LRRTM4: variants seen among roughly 807,000 people sequenced by gnomAD.
LRRTM4 encodes leucine-rich repeat transmembrane neuronal protein 4.
In LRRTM4, 25 loss-of-function variants were observed where a neutral mutation model predicts 47.6. That is an observed-to-expected ratio of 0.53 (90% CI 0.38 to 0.73). The LOEUF is 0.73. Ranked by LOEUF, LRRTM4 falls within the 30% of genes least tolerant of loss-of-function variation. The pLI is 0.00. For synonymous variants in LRRTM4, 311 were observed against 269.5 expected (o/e 1.15, Z -1.51); for missense variants, 638 against 713.4 (o/e 0.89, Z 1.20).
Position 76,748,096 on chromosome 2 carries a change from T to C in LRRTM4, c.*599A>G, listed in dbSNP as rs1430237297. ...TGTGGTCAACTTTCTCCGTGGTCCG[T>C]GGTAAAGCACATTTTCTTTTGGTAC... On this transcript the variant is annotated 3_prime_UTR_variant, in exon 4 of 4. Coordinates refer to ENST00000409884, the MANE Select transcript of LRRTM4 (RefSeq NM_001134745.3). The C allele has an allele frequency of 6.6e-6, 1 of 152,460 alleles. No individual in the cohort carries two copies. Among genetic ancestry groups the C allele is most frequent in the East Asian group, 1.9e-4 (1 of 5,200 alleles). 9.4% of individuals were successfully genotyped at this position (152,460 alleles called of 1,614,324 possible).
intron 3 of LRRTM4, among the ~76,000 whole-genome samples, chr2:76,790,470 C>T (rs1216445095): frequency 6.6e-6 from 1 of 152,082 alleles, no homozygotes; most frequent in Non-Finnish European, 1.5e-5. Context: ...TGATCTTGGG[C>T]CAGCCTCAGT....
At chr2:76,796,934 G>C (rs902754643) in intron 3 of LRRTM4, among the ~76,000 whole-genome samples, 2 of 152,062 alleles carry the variant, frequency 1.3e-5, no homozygotes, top group Non-Finnish European at 2.9e-5. Context: ...AAAAAGAAAT[G>C]AGCAAAGCCT....
At chr2:77,043,148 G>T (rs58279694) in intron 3 of LRRTM4, among the ~76,000 whole-genome samples, 54,426 of 151,446 alleles carry the variant, frequency 0.36, 11,702 homozygotes, top group African/African-American at 0.6. Flanking sequence ...TCTTTTGTAC[G>T]TATCTTTCAT....
At chr2:77,125,928 A>G (rs180812702) in intron 3 of LRRTM4, among the ~76,000 whole-genome samples, 1 of 149,544 alleles carries the variant, frequency 6.7e-6, no homozygotes, top group East Asian at 2.0e-4. Context: ...TATATATACT[A>G]TGTATGTGTA....
At chr2:77,073,612 T>C (rs2067968) in intron 3 of LRRTM4, among the ~76,000 whole-genome samples, 6,816 of 152,160 alleles carry the variant, frequency 0.045, 178 homozygotes, top group South Asian at 0.11. Flanking sequence ...AAAGATATTA[T>C]TGATTTCTGA....
intron 3 of LRRTM4, among the ~76,000 whole-genome samples, chr2:77,192,193 C>T (rs1673688533): frequency 6.6e-6 from 1 of 152,066 alleles, no homozygotes; most frequent in Admixed American, 6.6e-5. Context: ...TTAAAACCTA[C>T]ATTTTTAATT....
chr2:77,495,049 T>C (rs1010589315), intron 3 of LRRTM4, among the ~76,000 whole-genome samples: 3 of 152,128 alleles, frequency 2.0e-5, no homozygotes, highest in Admixed American at 1.3e-4. Flanking sequence ...CATTAATCTG[T>C]TGATGGAGAT....
intron 3 of LRRTM4, among the ~76,000 whole-genome samples, chr2:76,764,421 G>A (rs1673374674): frequency 6.6e-6 from 1 of 152,162 alleles, no homozygotes; most frequent in African/African-American, 2.4e-5. Flanking sequence ...CACGTGGTCA[G>A]GAGATCGAGA....
At chr2:76,896,006 T>C (rs562930992) in intron 3 of LRRTM4, among the ~76,000 whole-genome samples, 1 of 152,196 alleles carries the variant, frequency 6.6e-6, no homozygotes, top group East Asian at 1.9e-4. Context: ...ACTGTGTGTA[T>C]GAACACAGGG....
intron 3 of LRRTM4, among the ~76,000 whole-genome samples, chr2:77,411,451 CTT>C (rs138496739): frequency 5.2e-5 from 6 of 116,036 alleles, no homozygotes; most frequent in Admixed American, 9.5e-5. Flanking sequence ...TCTCTTTCTT[CTT>C]TTTTTTTTTT....
intron 3 of LRRTM4, among the ~76,000 whole-genome samples, chr2:77,473,549 A>G (rs1352822885): frequency 6.6e-6 from 1 of 152,118 alleles, no homozygotes; most frequent in Non-Finnish European, 1.5e-5. Context: ...AAATAAAGAA[A>G]GGACCATTGA....
chr2:77,307,612 T>TAATAAA, intron 3 of LRRTM4, among the ~76,000 whole-genome samples: 1 of 93,834 alleles, frequency 1.1e-5, no homozygotes, highest in African/African-American at 4.9e-5. Context: ...TATAGATATA[T>TAATAAA]CTATATATTA....
At chr2:76,980,483 A>G (rs1386880957) in intron 3 of LRRTM4, among the ~76,000 whole-genome samples, 1 of 152,132 alleles carries the variant, frequency 6.6e-6, no homozygotes, top group Admixed American at 6.6e-5. Flanking sequence ...GAATAGTCCT[A>G]CTACCTTATG....
chr2:76,917,150 ACT>A (rs1432011898), intron 3 of LRRTM4, among the ~76,000 whole-genome samples: 1 of 152,096 alleles, frequency 6.6e-6, no homozygotes, highest in East Asian at 1.9e-4. Context: ...CAGCAACCCA[ACT>A]CTACCATTCT....
intron 3 of LRRTM4, among the ~76,000 whole-genome samples, chr2:77,100,854 T>C (rs982562843): frequency 2.9e-4 from 43 of 150,822 alleles, no homozygotes; most frequent in African/African-American, 9.0e-4. Flanking sequence ...TTCTTTTTTT[T>C]TTTTTTTTTT....
intron 3 of LRRTM4, among the ~76,000 whole-genome samples, chr2:76,976,653 T>C (rs1237637028): frequency 2.0e-5 from 3 of 151,796 alleles, no homozygotes; most frequent in Non-Finnish European, 2.9e-5. Flanking sequence ...ATTTCATCCA[T>C]TTCTATGGCA....
At chr2:76,807,704 G>A (rs372603189) in intron 3 of LRRTM4, among the ~76,000 whole-genome samples, 26 of 150,498 alleles carry the variant, frequency 1.7e-4, no homozygotes, top group East Asian at 1.4e-3. Flanking sequence ...AGATTCTTCT[G>A]CCTCAGCCTC....
intron 3 of LRRTM4, among the ~76,000 whole-genome samples, chr2:77,315,146 G>GAAT (rs1677582591): frequency 6.6e-6 from 1 of 152,044 alleles, no homozygotes; most frequent in Non-Finnish European, 1.5e-5. Context: ...ATGTATTAAA[G>GAAT]AATAATAATA....
At chr2:76,822,058 T>C (rs1671067192) in intron 3 of LRRTM4, among the ~76,000 whole-genome samples, 1 of 151,572 alleles carries the variant, frequency 6.6e-6, no homozygotes, top group Admixed American at 6.6e-5. Context: ...ATTGGGCCCA[T>C]GAAAATATTT....
Sources: gnomAD v4.1 joint callset for allele counts (sites outside exome capture counted in the v4.1 genomes callset) on GRCh38, gnomAD v4.1.1 for gene constraint, MANE v1.5 for transcripts, NCBI Gene and HGNC (gene_info 2026-07-23, HGNC 2026-07-21) for gene names.